SNED1: variants seen among roughly 807,000 people sequenced by gnomAD.
The protein encoded by SNED1 is sushi, nidogen and EGF-like domain-containing protein 1.
Under a neutral mutation model 166.7 loss-of-function variants are expected in SNED1, and 81 were observed. The ratio of observed to expected loss-of-function variants is 0.49; its 90% CI spans 0.41 to 0.58. The LOEUF is 0.58. SNED1 is among the 20% of genes least tolerant of loss of function. The pLI is 0.00. For synonymous variants in SNED1, 762 were observed against 822.0 expected (o/e 0.93, Z 1.25); for missense variants, 1,604 against 2,000.2 (o/e 0.80, Z 3.78).
intron 8 of SNED1, among the ~76,000 whole-genome samples, chr2:241,046,861 A>G (rs1405512533): frequency 1.3e-5 from 2 of 152,142 alleles, no homozygotes; most frequent in Non-Finnish European, 2.9e-5. Context: ...AAAACCAAAA[A>G]GTAGCTGGCG....
At chr2:241,036,748 G>A (rs766117748) in intron 4 of SNED1, 42 bp from the exon 5 acceptor site, 167 of 1,600,478 alleles carry the variant, frequency 1.0e-4, no homozygotes, top group Non-Finnish European at 1.3e-4. Context: ...TGCCGAGTCC[G>A]GAGGCAGCGG....
At chr2:241,036,255 G>A (rs1323137967) in intron 4 of SNED1, among the ~76,000 whole-genome samples, 3 of 151,948 alleles carry the variant, frequency 2.0e-5, no homozygotes, top group Non-Finnish European at 2.9e-5. Flanking sequence ...CCACACACTG[G>A]GGCACGAACA....
At position 241,036,880 on chromosome 2, in the gene SNED1, G is replaced by T; in HGVS notation, c.896G>T (p.Cys299Phe). 6.2e-7 allele frequency: 1 copy of T among 1,611,868 alleles called. No individual in the cohort carries two copies. Among genetic ancestry groups the T allele is most frequent in the Non-Finnish European group, 8.5e-7 (1 of 1,179,656 alleles). The change falls in exon 5 of 32, where the codon TGC becomes TTC. Residue 299 changes from cysteine (C) to phenylalanine (F), a missense_variant. By Grantham distance (205) the Cys-to-Phe change is radical. Around this residue, in one of 2 missense-constraint regions of SNED1, gnomAD observed 1,237 missense variants for 1,620.8 expected, o/e 0.76. Coordinates refer to ENST00000310397, the MANE Select transcript of SNED1 (RefSeq NM_001080437.3). ...VTGNPSYTCS[C>F]LSGFTGRRCH... ...GGCAACCCCTCCTACACCTGCTCCT[G>T]CCTCTCGGGCTTCACGGGGCGGAGG...
intron 3 of SNED1, among the ~76,000 whole-genome samples, chr2:241,034,343 C>G (rs1013585479): frequency 6.6e-6 from 1 of 152,192 alleles, no homozygotes; most frequent in East Asian, 1.9e-4. Context: ...TCATACTTGC[C>G]CCTGGCCCCA....
intron 1 of SNED1, among the ~76,000 whole-genome samples, chr2:241,015,018 C>T (rs1055102239): frequency 9.2e-5 from 14 of 152,200 alleles, no homozygotes; most frequent in Non-Finnish European, 1.8e-4. Context: ...TGTGGCCTGA[C>T]GAGAAAGGCT....
intron 31 of SNED1, chr2:241,090,108 CTT>C: frequency 6.7e-7 from 1 of 1,489,400 alleles, no homozygotes; most frequent in East Asian, 2.5e-5. Flanking sequence ...TTAATTTTTA[CTT>C]TTTAACTCTT....
Position 240,999,816 on chromosome 2 carries a change from C to T in SNED1, c.213+766C>T, listed in dbSNP as rs2060022688. Among the ~76,000 whole-genome samples the T allele has an allele frequency of 6.6e-6, 1 of 152,156 alleles. No homozygotes were observed. Among genetic ancestry groups the T allele is most frequent in the South Asian group, 2.1e-4 (1 of 4,830 alleles). On this transcript the variant is annotated intron_variant, in intron 1 of 31. Transcript: ENST00000310397. This position sits in a 1 kb window ranked among gnomAD's most constrained non-coding sequence, Gnocchi z 5.8. ...TTATGGCAGCCCAGGGAATGAAATG[C>T]ACCTGGTAACTGCATGGAGCACTCG...
At chr2:241,079,634 C>CA (rs1021160293) in intron 27 of SNED1, among the ~76,000 whole-genome samples, 11 of 150,620 alleles carry the variant, frequency 7.3e-5, no homozygotes, top group Non-Finnish European at 1.2e-4. Flanking sequence ...ACTTTAGAAC[C>CA]AAAAAAAAGG....
intron 1 of SNED1, among the ~76,000 whole-genome samples, chr2:241,017,685 CT>C (rs1191944829): frequency 6.6e-6 from 1 of 152,230 alleles, no homozygotes; most frequent in Non-Finnish European, 1.5e-5. Flanking sequence ...GAACCAAATC[CT>C]TCTGATCTCC....
intron 31 of SNED1, chr2:241,089,481 G>A (rs2063768271): frequency 2.6e-6 from 4 of 1,513,624 alleles, no homozygotes; most frequent in East Asian, 2.5e-5. Flanking sequence ...ACCCCCTTGG[G>A]GGAAAGGTCT....
At chr2:241,017,465 C>T (rs1017434468) in intron 1 of SNED1, among the ~76,000 whole-genome samples, 2 of 152,218 alleles carry the variant, frequency 1.3e-5, no homozygotes, top group Non-Finnish European at 2.9e-5. Flanking sequence ...GCCCCCAAGG[C>T]GACGGTTCAT....
In SNED1 at chr2:241,081,686, G is replaced by C; in HGVS notation, c.3926G>C (p.Gly1309Ala). 1 of 1,603,410 alleles carries C rather than the reference G, an allele frequency of 6.2e-7. No homozygotes were observed. The highest frequency in any genetic ancestry group is 1.3e-5 in the African/African-American group (1 of 74,838). ...TGACCTCTGTTTCCAGACGTCCCTGGCAACTGTTCAGAAAACCCCTGTCAG... is the reference window on the plus strand; with the variant it reads ...TGACCTCTGTTTCCAGACGTCCCTGCCAACTGTTCAGAAAACCCCTGTCAG... ...HGSKDIGNVP[G>A]NCSENPCQNG... is the part of the protein sequence containing the mutation. Residue 1309 changes from glycine (G) to alanine (A), a missense_variant, in exon 28 of 32, where the codon GGC (glycine) becomes GCC (alanine). Transcript: ENST00000310397.
At chr2:241,016,797 A>G (rs2060606237) in intron 1 of SNED1, among the ~76,000 whole-genome samples, 1 of 151,572 alleles carries the variant, frequency 6.6e-6, no homozygotes, top group Admixed American at 6.6e-5. Flanking sequence ...TTATATAAAA[A>G]GTTGCATTTT....
chr2:241,090,841 T>C (rs2063914727), intron 31 of SNED1, among the ~76,000 whole-genome samples: 1 of 147,800 alleles, frequency 6.8e-6, no homozygotes, highest in East Asian at 2.0e-4. Context: ...TACTACAGCT[T>C]AGGCAACTGA....
At chr2:241,080,842 C>A (rs760751633) in intron 27 of SNED1, among the ~76,000 whole-genome samples, 5 of 152,250 alleles carry the variant, frequency 3.3e-5, no homozygotes, top group Admixed American at 3.3e-4. Context: ...CGCTGCCGTG[C>A]CTGTGTGGAC....
At chr2:241,043,138 C>T (rs1306034059) in intron 8 of SNED1, among the ~76,000 whole-genome samples, 5 of 152,182 alleles carry the variant, frequency 3.3e-5, no homozygotes, top group Admixed American at 6.5e-5. Context: ...AGAAATAATA[C>T]CCAAACATTT....
In SNED1 at chr2:241,053,080, G is replaced by A. The variant is rs79214540; in HGVS notation, c.2084-73G>A. ...CATCCCTGGGCCCTGCAGTCGGGTC[G>A]GGCAGAGGCAGGGCGGTGGGGAGGG... On this transcript the variant is annotated intron_variant, in intron 15 of 31. Coordinates refer to ENST00000310397, the MANE Select transcript of SNED1 (RefSeq NM_001080437.3). 3.0e-3 allele frequency: 4,359 copies of A among 1,446,104 alleles called. 92 individuals carry two copies. The African/African-American group carries it at 0.054, about 18-fold the overall frequency. The allele number at this position is 1,446,104 out of a possible 1,614,324, so 89.6% of individuals were successfully genotyped here. A position where few individuals can be genotyped will look rare whatever the true frequency, so the allele number is the denominator to read the frequency against.
chr2:241,038,191 C>G lies in SNED1; in HGVS notation c.1045+838C>G, dbSNP rs550002589. Among the ~76,000 whole-genome samples the G allele has an allele frequency of 2.0e-5, 3 of 152,262 alleles. No homozygotes were observed. In the South Asian group the frequency reaches 6.2e-4, roughly 32 times the overall value. ...TCCCCACCCAGCTCAGCCAGGTGTGCGTGTCCTGTGTGACAGTCGCTTACA... is the reference window on the plus strand; with the variant it reads ...TCCCCACCCAGCTCAGCCAGGTGTGGGTGTCCTGTGTGACAGTCGCTTACA... On this transcript the variant is annotated intron_variant, in intron 6 of 31. Coordinates refer to ENST00000310397, the MANE Select transcript of SNED1 (RefSeq NM_001080437.3).
intron 1 of SNED1, among the ~76,000 whole-genome samples, chr2:241,003,242 C>T (rs2060128073): frequency 6.6e-6 from 1 of 151,894 alleles, no homozygotes; most frequent in African/African-American, 2.4e-5. Context: ...TTGGGATGTG[C>T]ACCCCATGAA....
Sources: allele counts gnomAD v4.1 joint callset (sites outside exome capture counted in the v4.1 genomes callset), GRCh38; gene constraint gnomAD v4.1.1; regional missense constraint gnomAD v4.1.1; non-coding constraint Gnocchi (gnomAD v3.1); transcripts MANE v1.5; gene names NCBI Gene and HGNC (gene_info 2026-07-23, HGNC 2026-07-21).